Variants in POLD3 observed in about 807,000 individuals in gnomAD.
POLD3 encodes DNA polymerase delta subunit 3.
Under a neutral mutation model 58.2 loss-of-function variants are expected in POLD3, and 19 were observed. The observed-to-expected ratio is 0.33, with a 90% confidence interval of 0.23 to 0.48. POLD3 has a LOEUF of 0.48. POLD3 is among the 20% of genes least tolerant of loss of function. The pLI is 0.99. For synonymous variants in POLD3, 172 were observed against 193.5 expected, an observed-to-expected ratio of 0.89 and a Z score of 0.92; for missense variants, 504 against 545.5, an observed-to-expected ratio of 0.92 and a Z score of 0.76.
In POLD3 at chr11:74,652,623, C is replaced by G. The variant is rs529625319; in HGVS notation, c.370-16154C>G. Reference sequence around the variant, plus strand: ...GCAGAAAACTCCCGAAGGCATTGTTCACTGTGAAGAGGCACACAACATAGA... The same window carrying G: ...GCAGAAAACTCCCGAAGGCATTGTTGACTGTGAAGAGGCACACAACATAGA... On this transcript the variant is annotated intron_variant, in intron 4 of 4. Coordinates refer to the POLD3 transcript ENST00000524752. 2.0e-5 allele frequency: 3 copies of G among 152,340 alleles called. No individual in the cohort carries two copies. The East Asian group carries it at 5.8e-4, about 29-fold the overall frequency. The allele number at this position is 152,340 out of a possible 1,614,324, so 9.4% of individuals were successfully genotyped here. A position where few individuals can be genotyped will look rare whatever the true frequency, so the allele number is the denominator to read the frequency against.
chr11:74,654,352 A>T (rs1374718869), intron 4 of POLD3, among the ~76,000 whole-genome samples: 4 of 152,204 alleles, frequency 2.6e-5, no homozygotes, highest in Non-Finnish European at 4.4e-5. Flanking sequence ...ATGTAAAGAG[A>T]CATAATAAGA....
At chr11:74,597,740 A>G (rs1485971038) in intron 2 of POLD3, among the ~76,000 whole-genome samples, 4 of 152,220 alleles carry the variant, frequency 2.6e-5, no homozygotes, top group Non-Finnish European at 5.9e-5. Flanking sequence ...GATTGCAGGC[A>G]TAAGCCACTG....
At chr11:74,616,583 A>G (rs557401371) in intron 5 of POLD3, among the ~76,000 whole-genome samples, 1 of 152,370 alleles carries the variant, frequency 6.6e-6, no homozygotes, top group East Asian at 1.9e-4. Context: ...AAGCACTGCA[A>G]GGTCAGAGAG....
intron 5 of POLD3, among the ~76,000 whole-genome samples, chr11:74,614,209 C>G (rs1171974295): frequency 6.6e-6 from 1 of 152,182 alleles, no homozygotes; most frequent in Non-Finnish European, 1.5e-5. Context: ...AATATTTAAG[C>G]AGATGGAGTG....
chr11:74,664,231 A>G (rs1404447204), intron 4 of POLD3, among the ~76,000 whole-genome samples: 1 of 152,228 alleles, frequency 6.6e-6, no homozygotes, highest in Middle Eastern at 3.2e-3. Flanking sequence ...ACTTTCTCAT[A>G]AAGTTACCAT....
At position 74,659,292 on chromosome 11, in the gene POLD3, G is replaced by A. The variant is rs902809362; in HGVS notation, c.370-9485G>A. Among the ~76,000 whole-genome samples, 7 of 152,250 alleles carry A rather than the reference G, an allele frequency of 4.6e-5. No homozygotes were observed. In the South Asian group the frequency reaches 1.5e-3, roughly 32 times the overall value. On this transcript the variant is annotated intron_variant, in intron 4 of 4. Transcript: ENST00000524752. Reference sequence around the variant, plus strand: ...AGTCAATAGGCTGCACACAGCACGGGGACCCTGGGCCTGACCTATGAAACC... The same window carrying A: ...AGTCAATAGGCTGCACACAGCACGGAGACCCTGGGCCTGACCTATGAAACC...
intron 2 of POLD3, among the ~76,000 whole-genome samples, chr11:74,599,399 T>C (rs2031400936): frequency 6.8e-6 from 1 of 147,450 alleles, no homozygotes; most frequent in African/African-American, 2.5e-5. Flanking sequence ...GGAGTCTCGC[T>C]CTGTTGCCTA....
At chr11:74,611,414 C>G in intron 3 of POLD3, 85 bp from the exon 4 acceptor site, 1 of 797,260 alleles carries the variant, frequency 1.3e-6, no homozygotes. Flanking sequence ...AATTTCACAT[C>G]CAAGCACAAT....
At chr11:74,603,156 A>G (rs2031560062) in intron 2 of POLD3, among the ~76,000 whole-genome samples, 1 of 152,224 alleles carries the variant, frequency 6.6e-6, no homozygotes, top group African/African-American at 2.4e-5. Flanking sequence ...CGTAGAACAT[A>G]AAGTAACCAC....
At chr11:74,602,767 A>C (rs995369168) in intron 2 of POLD3, among the ~76,000 whole-genome samples, 1 of 152,100 alleles carries the variant, frequency 6.6e-6, no homozygotes, top group Non-Finnish European at 1.5e-5. Context: ...TGTGCCTGGC[A>C]CTCTGCCCTC....
intron 2 of POLD3, among the ~76,000 whole-genome samples, chr11:74,600,007 G>A (rs184684514): frequency 6.0e-5 from 9 of 150,744 alleles, no homozygotes; most frequent in African/African-American, 1.5e-4. Flanking sequence ...GTACAATGGT[G>A]CAATCTCGGC....
chr11:74,619,658 G>A (rs2032190651), intron 6 of POLD3, among the ~76,000 whole-genome samples: 1 of 152,190 alleles, frequency 6.6e-6, no homozygotes, highest in Non-Finnish European at 1.5e-5. Flanking sequence ...TACTTCTGAT[G>A]ATTAAAAATG....
At chr11:74,638,686 A>G (rs1258737264) in intron 11 of POLD3, 2 of 456,050 alleles carry the variant, frequency 4.4e-6, no homozygotes, top group East Asian at 6.9e-5. Context: ...TAGGTATGCC[A>G]TGGGAATTCT....
At chr11:74,613,874 G>A (rs1451847982) in intron 5 of POLD3, among the ~76,000 whole-genome samples, 2 of 152,168 alleles carry the variant, frequency 1.3e-5, no homozygotes, top group Non-Finnish European at 2.9e-5. Flanking sequence ...TGTTGGCAGG[G>A]GCACTTATCT....
Position 74,592,633 on chromosome 11 carries a change from G to C in POLD3, c.-26G>C, listed in dbSNP as rs547222593. The C allele has an allele frequency of 1.9e-6, 3 of 1,598,918 alleles. No homozygotes were observed. The highest frequency in any genetic ancestry group is 2.7e-5 in the African/African-American group (2 of 74,822). On this transcript the variant is annotated 5_prime_UTR_variant, in exon 1 of 12. Coordinates refer to ENST00000263681, the MANE Select transcript of POLD3 (RefSeq NM_006591.3). ...GTGGCTGTGATTGAGAGAGGGGTTA[G>C]AGGCGGGTCCCAGCGCTGCCGCACC...
chr11:74,604,475 C>T (rs1352480224), intron 2 of POLD3: 8 of 495,100 alleles, frequency 1.6e-5, no homozygotes, highest in Non-Finnish European at 2.9e-5. Flanking sequence ...GTACTGATCA[C>T]TGTGCCAGCT....
At chr11:74,627,214 T>C (rs1466708010) in intron 8 of POLD3, among the ~76,000 whole-genome samples, 1 of 152,144 alleles carries the variant, frequency 6.6e-6, no homozygotes, top group African/African-American at 2.4e-5. Flanking sequence ...AAGACAATGA[T>C]CATTGATGAT....
In POLD3 at chr11:74,642,475, C is replaced by G; in HGVS notation, c.*1709C>G. 2 of 985,118 alleles carry G rather than the reference C, an allele frequency of 2.0e-6. No individual in the cohort carries two copies. Among genetic ancestry groups the G allele is most frequent in the Non-Finnish European group, 2.4e-6 (2 of 829,680 alleles). The allele number at this position is 985,118 out of a possible 1,614,324, so 61.0% of individuals were successfully genotyped here. ...GGAAAATTAAAAGAAAAGCAACAATCCAATCTTTTTTCTAAAAATTATGCT... is the reference window on the plus strand; with the variant it reads ...GGAAAATTAAAAGAAAAGCAACAATGCAATCTTTTTTCTAAAAATTATGCT... On this transcript the variant is annotated 3_prime_UTR_variant, in exon 12 of 12. Coordinates refer to ENST00000263681, the MANE Select transcript of POLD3 (RefSeq NM_006591.3).
intron 2 of POLD3, among the ~76,000 whole-genome samples, chr11:74,603,869 T>G (rs1239559251): frequency 6.7e-6 from 1 of 149,452 alleles, no homozygotes; most frequent in Non-Finnish European, 1.5e-5. Flanking sequence ...ACATGTCTCT[T>G]TGTTGTTTTT....
Sources: allele counts gnomAD v4.1 joint callset (sites outside exome capture counted in the v4.1 genomes callset), GRCh38; gene constraint gnomAD v4.1.1; transcripts MANE v1.5; gene names NCBI Gene and HGNC (gene_info 2026-07-23, HGNC 2026-07-21).